Variants in ZNF501 observed in about 807,000 individuals in gnomAD.
ZNF501 encodes zinc finger protein 501, also known as zinc finger protein 52.
In ZNF501, 7 loss-of-function variants were observed where a neutral mutation model predicts 5.7. The ratio of observed to expected loss-of-function variants is 1.24; its 90% CI spans 0.70 to 2.32. The LOEUF (loss-of-function observed/expected upper bound fraction) is 2.32, where lower values mean the gene tolerates loss of function less well. ZNF501 is among the 30% of genes most tolerant of loss of function. The pLI, the probability that ZNF501 is intolerant of heterozygous loss-of-function variation, is 0.00. For synonymous variants in ZNF501, 107 were observed against 101.9 expected, an observed-to-expected ratio of 1.05 and a Z score of -0.30; for missense variants, 352 against 321.1, an observed-to-expected ratio of 1.10 and a Z score of -0.73.
At position 44,736,877 on chromosome 3, in the gene ZNF501, C is replaced by T. The variant is rs1704709758; in HGVS notation, c.*1640C>T. On this transcript the variant is annotated 3_prime_UTR_variant, in exon 3 of 3. Transcript: ENST00000620116. Reference sequence around the variant, plus strand: ...TTCCTTGTATATTTTGTATAACAGACCTTTATCAGATAGGTCTTTTGCAAA... The same window carrying T: ...TTCCTTGTATATTTTGTATAACAGATCTTTATCAGATAGGTCTTTTGCAAA... The T allele has an allele frequency of 6.0e-6, 1 of 166,774 alleles. No homozygotes were observed. Among genetic ancestry groups the T allele is most frequent in the Admixed American group, 6.6e-5 (1 of 15,254 alleles). The allele number at this position is 166,774 out of a possible 1,614,324, so 10.3% of individuals were successfully genotyped here.
rs865916022 is a variant in ZNF501 at position 44,734,909 on chromosome 3, A to C, written c.488A>C (p.Lys163Thr). 5 of 1,613,826 alleles carry C rather than the reference A, an allele frequency of 3.1e-6. No individual in the cohort carries two copies. The African/African-American group carries it at 6.7e-5, about 22-fold the overall frequency. ...QRSHSGDKPFKCNECGKAFNQ... is the reference protein window; with the variant it reads ...QRSHSGDKPFTCNECGKAFNQ... Reference sequence around the variant, plus strand: ...AGTCATTCTGGAGATAAACCTTTTAAGTGTAATGAATGTGGGAAAGCCTTT... The same window carrying C: ...AGTCATTCTGGAGATAAACCTTTTACGTGTAATGAATGTGGGAAAGCCTTT... Residue 163 changes from lysine (K) to threonine (T), a missense_variant, in exon 3 of 3, where the codon AAG becomes ACG. Lys to Thr is a moderately conservative substitution (Grantham distance 78). Transcript: ENST00000620116.
At position 44,735,038 on chromosome 3, in the gene ZNF501, TTGAACA is replaced by T. The variant is rs780934418; in HGVS notation, c.622_627del (p.His208_Glu209del). On this transcript the variant is annotated inframe_deletion, in exon 3 of 3. Transcript: ENST00000620116. ...GCCTTCACTCAGAACTCTTCCCTTG[TTGAACA>T]TGAAAGGACTCACACTGGAGAGAAA... 6.2e-7 allele frequency: 1 copy of T among 1,614,170 alleles called. No individual in the cohort carries two copies. Among genetic ancestry groups the T allele is most frequent in the Non-Finnish European group, 8.5e-7 (1 of 1,180,026 alleles).
intron 2 of ZNF501, 21 bp from the exon 3 acceptor site, chr3:44,734,176 G>C (rs1704656263): frequency 2.5e-6 from 1 of 404,470 alleles, no homozygotes; most frequent in African/African-American, 2.0e-5. Flanking sequence ...CCTAATACCT[G>C]TCACTACTTA....
intron 2 of ZNF501, among the ~76,000 whole-genome samples, chr3:44,733,560 A>G (rs1704647700): frequency 1.3e-5 from 2 of 152,202 alleles, no homozygotes; most frequent in Admixed American, 6.5e-5. Context: ...TCTGATTAGT[A>G]TATTTCAGAT....
At chr3:44,733,050 C>G (rs1704637188) in intron 2 of ZNF501, among the ~76,000 whole-genome samples, 1 of 152,168 alleles carries the variant, frequency 6.6e-6, no homozygotes, top group African/African-American at 2.4e-5. Flanking sequence ...CTTAAAACTC[C>G]TGGCCTCAAG....
At chr3:44,732,519 A>G (rs1704629531) in intron 2 of ZNF501, among the ~76,000 whole-genome samples, 1 of 152,246 alleles carries the variant, frequency 6.6e-6, no homozygotes, top group Admixed American at 6.5e-5. Context: ...CCACATATTT[A>G]ACAAACAGTA....
At chr3:44,731,804 A>G (rs530981727) in intron 2 of ZNF501, 2 of 152,370 alleles carry the variant, frequency 1.3e-5, no homozygotes, top group East Asian at 3.9e-4. Context: ...TTATCAGAGT[A>G]CCTGAACTGA....
Position 44,734,590 on chromosome 3 carries a change from A to G in ZNF501, c.169A>G (p.Ser57Gly). The change falls in exon 3 of 3, where the codon AGT becomes GGT. Residue 57 changes from serine (S) to glycine (G), a missense_variant. Ser to Gly is a moderately conservative substitution (Grantham distance 56). Transcript: ENST00000620116. ...EKPYVCSECG[S>G]CFRKQSNLTQ... Reference sequence around the variant, plus strand: ...GCCCTATGTGTGCAGTGAATGTGGAAGTTGTTTCCGTAAACAGTCAAATCT... The same window carrying G: ...GCCCTATGTGTGCAGTGAATGTGGAGGTTGTTTCCGTAAACAGTCAAATCT... 4 of 1,614,188 alleles carry G rather than the reference A, an allele frequency of 2.5e-6. No homozygotes were observed. The highest frequency in any genetic ancestry group is 3.4e-6 in the Non-Finnish European group (4 of 1,180,024).
rs1704703278 is a variant in ZNF501 at position 44,736,532 on chromosome 3, T to C, written c.*1295T>C. 6.0e-6 allele frequency: 1 copy of C among 166,974 alleles called. No homozygotes were observed. The highest frequency in any genetic ancestry group is 1.5e-5 in the Non-Finnish European group (1 of 68,086). 10.3% of individuals were successfully genotyped at this position (166,974 alleles called of 1,614,324 possible). A position where few individuals can be genotyped will look rare whatever the true frequency, so the allele number is the denominator to read the frequency against. ...AATTTCCCACCATTGAACCTTCCTG[T>C]TGGTGTGAGATGCCAAATCTGTGAA... On this transcript the variant is annotated 3_prime_UTR_variant, in exon 3 of 3. Transcript: ENST00000620116.
Position 44,734,284 on chromosome 3 carries a change from T to A in ZNF501, c.-138T>A. On this transcript the variant is annotated 5_prime_UTR_variant, in exon 3 of 3. An upstream start codon of the reference 5' UTR is lost. Coordinates refer to ENST00000620116, the MANE Select transcript of ZNF501 (RefSeq NM_001258280.2). ...GGAAGGGGAATCCTGCAGGGATGAA[T>A]GAGAGGACAGCAATGCATGTGTGAT... is the stretch of plus-strand genomic sequence containing the variant. 1 of 694,770 alleles carries A rather than the reference T, an allele frequency of 1.4e-6. No individual in the cohort carries two copies. Among genetic ancestry groups the A allele is most frequent in the South Asian group, 2.1e-5 (1 of 48,534 alleles). 43.0% of individuals were successfully genotyped at this position (694,770 alleles called of 1,614,324 possible).
chr3:44,730,951 G>A (rs1704606055), intron 1 of ZNF501, among the ~76,000 whole-genome samples: 1 of 152,196 alleles, frequency 6.6e-6, no homozygotes, highest in Admixed American at 6.5e-5. Flanking sequence ...TAGAATCAAA[G>A]CTTTGTAGAA....
intron 1 of ZNF501, among the ~76,000 whole-genome samples, chr3:44,730,362 C>T (rs1434551349): frequency 6.6e-6 from 1 of 152,202 alleles, no homozygotes; most frequent in African/African-American, 2.4e-5. Flanking sequence ...GAAAGTCCTA[C>T]AGTAGAAACT....
chr3:44,734,557 G>A lies in ZNF501; in HGVS notation c.136G>A (p.Gly46Arg), dbSNP rs1282445460. 4 of 1,614,060 alleles carry A rather than the reference G, an allele frequency of 2.5e-6. No homozygotes were observed. Among genetic ancestry groups the A allele is most frequent in the African/African-American group, 1.3e-5 (1 of 74,924 alleles). The change falls in exon 3 of 3, where the codon GGA (glycine) becomes AGA (arginine). Residue 46 changes from glycine to arginine, a missense_variant. Gly to Arg is a moderately radical substitution (Grantham distance 125, BLOSUM62 -2). Transcript: ENST00000620116. Reference sequence around the variant, plus strand: ...TACCCAGCACCAGAGGATTCACAGAGGAGAGAAGCCCTATGTGTGCAGTGA... The same window carrying A: ...TACCCAGCACCAGAGGATTCACAGAAGAGAGAAGCCCTATGTGTGCAGTGA... ...SLTQHQRIHR[G>R]EKPYVCSECG...
chr3:44,733,641 C>A (rs1559505938), intron 2 of ZNF501, among the ~76,000 whole-genome samples: 1 of 152,144 alleles, frequency 6.6e-6, no homozygotes, highest in Non-Finnish European at 1.5e-5. Flanking sequence ...TCCAATTAAA[C>A]CTTCTTCTTT....
Position 44,734,742 on chromosome 3 carries a change from A to G in ZNF501, c.321A>G (p.Lys107=). The G allele has an allele frequency of 6.2e-7, 1 of 1,614,022 alleles. No homozygotes were observed. The highest frequency in any genetic ancestry group is 8.5e-7 in the Non-Finnish European group (1 of 1,179,978). The part of the protein sequence containing the change: ...LRIHTGEKPY[K]CNECGKAFCQ... ...TTCATACTGGAGAGAAACCCTATAA[A>G]TGCAATGAATGTGGAAAAGCCTTTT... The change falls in exon 3 of 3, where the codon AAA becomes AAG. Residue 107 remains lysine, a synonymous_variant. Coordinates refer to ENST00000620116, the MANE Select transcript of ZNF501 (RefSeq NM_001258280.2).
In ZNF501 at chr3:44,735,218, G is replaced by A; in HGVS notation, c.797G>A (p.Arg266Lys). ...AGTTCAGCACTTCTTCGACATCAGA[G>A]GCTTCATGCTGGAGAGTAAAATTTG... ...RHSSALLRHQ[R>K]LHAGE The change falls in exon 3 of 3, where the codon AGG becomes AAG. Residue 266 changes from arginine to lysine, a missense_variant. By Grantham distance (26) the Arg-to-Lys change is conservative. Transcript: ENST00000620116. 1 of 1,572,408 alleles carries A rather than the reference G, an allele frequency of 6.4e-7. No homozygotes were observed. The highest frequency in any genetic ancestry group is 8.6e-7 in the Non-Finnish European group (1 of 1,157,988).
rs1389825247 is a variant in ZNF501 at position 44,736,523 on chromosome 3, A to G, written c.*1286A>G. 1.8e-5 allele frequency: 3 copies of G among 166,980 alleles called. No homozygotes were observed. The highest frequency in any genetic ancestry group is 4.8e-5 in the African/African-American group (2 of 41,404). The allele number at this position is 166,980 out of a possible 1,614,324, so 10.3% of individuals were successfully genotyped here. The stretch of plus-strand genomic sequence containing the variant: ...CATACAGGTAATTTCCCACCATTGA[A>G]CCTTCCTGTTGGTGTGAGATGCCAA... On this transcript the variant is annotated 3_prime_UTR_variant, in exon 3 of 3. Transcript: ENST00000620116.
chr3:44,735,260 G>A lies in ZNF501; in HGVS notation c.*23G>A, dbSNP rs1426112360. On this transcript the variant is annotated 3_prime_UTR_variant, in exon 3 of 3. Transcript: ENST00000620116. ...TAAAATTTGGAATATAATGAGTATG[G>A]GAAGATTTGTATGGAAGCACCTTTT... is the stretch of plus-strand genomic sequence containing the variant. 1.3e-6 allele frequency: 2 copies of A among 1,514,796 alleles called. No homozygotes were observed. Among genetic ancestry groups the A allele is most frequent in the East Asian group, 2.3e-5 (1 of 43,980 alleles). The allele number at this position is 1,514,796 out of a possible 1,614,324, so 93.8% of individuals were successfully genotyped here.
chr3:44,733,696 T>C (rs950123975), intron 2 of ZNF501, among the ~76,000 whole-genome samples: 1 of 152,228 alleles, frequency 6.6e-6, no homozygotes, highest in Non-Finnish European at 1.5e-5. Context: ...AGTGATATCT[T>C]ACTTTCTTTC....
Sources: allele counts gnomAD v4.1 joint callset (sites outside exome capture counted in the v4.1 genomes callset), GRCh38; gene constraint gnomAD v4.1.1; transcripts MANE v1.5; gene names NCBI Gene and HGNC (gene_info 2026-07-23, HGNC 2026-07-21).